The following SH3PXD2A variants were observed in gnomAD, a reference collection of about 807,000 sequenced individuals.
The protein encoded by SH3PXD2A is SH3 and PX domain-containing protein 2A.
In SH3PXD2A, 32 loss-of-function variants were observed where a neutral mutation model predicts 115.2. The observed-to-expected ratio is 0.28, with a 90% CI of 0.21 to 0.37. The LOEUF is 0.37. Among genes scored for constraint, SH3PXD2A ranks in the 10% least tolerant of loss-of-function variants. SH3PXD2A has a pLI of 1.00. For missense variants in SH3PXD2A, 1,328 were observed against 1,498.7 expected, an observed-to-expected ratio of 0.89 and a Z score of 1.88; for synonymous variants, 610 against 629.1, an observed-to-expected ratio of 0.97 and a Z score of 0.45.
intron 6 of SH3PXD2A, among the ~76,000 whole-genome samples, chr10:103,669,045 A>G (rs1378027198): frequency 1.3e-5 from 2 of 152,150 alleles, no homozygotes; most frequent in Admixed American, 6.5e-5. Flanking sequence ...GGTTGCAAGG[A>G]TCCTCAAAGG....
intron 13 of SH3PXD2A, among the ~76,000 whole-genome samples, chr10:103,610,336 C>T (rs978851854): frequency 2.0e-5 from 3 of 152,216 alleles, no homozygotes; most frequent in Non-Finnish European, 4.4e-5. Context: ...TCAGCAATCC[C>T]CACATTTGGT....
intron 7 of SH3PXD2A, chr10:103,661,769 C>A: frequency 1.0e-6 from 1 of 985,302 alleles, no homozygotes; most frequent in Non-Finnish European, 1.2e-6. Context: ...GGTTTACTCG[C>A]AACCCTTAAA....
intron 8 of SH3PXD2A, among the ~76,000 whole-genome samples, chr10:103,656,489 G>A (rs2037213964): frequency 6.6e-6 from 1 of 152,214 alleles, no homozygotes; most frequent in Non-Finnish European, 1.5e-5. Context: ...TCGGATGAGA[G>A]GAGAAGGCAG....
chr10:103,674,437 G>A (rs1301366455), intron 6 of SH3PXD2A, among the ~76,000 whole-genome samples: 1 of 152,208 alleles, frequency 6.6e-6, no homozygotes, highest in Non-Finnish European at 1.5e-5. Context: ...GCTCAGAGCA[G>A]CAGAAGCTGA....
intron 1 of SH3PXD2A, among the ~76,000 whole-genome samples, chr10:103,815,129 T>C (rs889271524): frequency 1.3e-5 from 2 of 151,966 alleles, no homozygotes; most frequent in African/African-American, 4.8e-5. Context: ...ATAGCACAAA[T>C]CTCCATGACC....
At chr10:103,765,377 A>G (rs1334968515) in intron 3 of SH3PXD2A, among the ~76,000 whole-genome samples, 2 of 152,202 alleles carry the variant, frequency 1.3e-5, no homozygotes, top group African/African-American at 4.8e-5. Context: ...AGTCACCCTC[A>G]AATTGCACAG....
chr10:103,766,135 A>C (rs2134223367), intron 3 of SH3PXD2A, among the ~76,000 whole-genome samples: 1 of 152,340 alleles, frequency 6.6e-6, no homozygotes, highest in Non-Finnish European at 1.5e-5. Context: ...GTGCCCCTAC[A>C]TCCGTTTTCA....
intron 3 of SH3PXD2A, among the ~76,000 whole-genome samples, chr10:103,757,462 A>G (rs1009907248): frequency 2.0e-5 from 3 of 152,158 alleles, no homozygotes; most frequent in Non-Finnish European, 2.9e-5. Context: ...CCTAGGATAC[A>G]ATCCATCCAG....
At chr10:103,821,042 T>G (rs917107397) in intron 1 of SH3PXD2A, among the ~76,000 whole-genome samples, 2 of 152,168 alleles carry the variant, frequency 1.3e-5, no homozygotes, top group Non-Finnish European at 2.9e-5. Context: ...TAAGAGGGTA[T>G]GCCTCTGATG....
chr10:103,718,793 A>ACACACACG (rs2038140764), intron 5 of SH3PXD2A, among the ~76,000 whole-genome samples: 2 of 150,692 alleles, frequency 1.3e-5, no homozygotes, highest in Non-Finnish European at 3.0e-5. Context: ...ACACACACAC[A>ACACACACG]CACACGCACA....
intron 8 of SH3PXD2A, among the ~76,000 whole-genome samples, chr10:103,640,891 C>T (rs2036945489): frequency 6.6e-6 from 1 of 151,976 alleles, no homozygotes; most frequent in African/African-American, 2.4e-5. Context: ...CCCTTGTGTC[C>T]CTCATGATCC....
At chr10:103,611,800 T>C (rs1484018585) in intron 12 of SH3PXD2A, among the ~76,000 whole-genome samples, 170 bp from the exon 13 acceptor site, 1 of 152,184 alleles carries the variant, frequency 6.6e-6, no homozygotes, top group Non-Finnish European at 1.5e-5. Context: ...GGTTGGGCTT[T>C]TTCAAGGGGA....
At chr10:103,821,134 C>T (rs2039374976) in intron 1 of SH3PXD2A, among the ~76,000 whole-genome samples, 1 of 142,436 alleles carries the variant, frequency 7.0e-6, no homozygotes, top group South Asian at 2.2e-4. Flanking sequence ...AATGTATGGT[C>T]GTTCATTCTT....
chr10:103,707,583 A>G (rs1263543206), intron 5 of SH3PXD2A, among the ~76,000 whole-genome samples: 1 of 151,966 alleles, frequency 6.6e-6, no homozygotes, highest in East Asian at 1.9e-4. Flanking sequence ...CCTGGCCTCA[A>G]GCAATTCTCC....
chr10:103,793,877 AC>A (rs1288193067), intron 2 of SH3PXD2A, among the ~76,000 whole-genome samples: 1 of 152,174 alleles, frequency 6.6e-6, no homozygotes, highest in Non-Finnish European at 1.5e-5. Context: ...CACTGGGATC[AC>A]CCCAGGTTGA....
intron 2 of SH3PXD2A, 44 bp from the exon 3 acceptor site, chr10:103,767,213 A>C: frequency 6.8e-7 from 1 of 1,462,706 alleles, no homozygotes; most frequent in Non-Finnish European, 9.6e-7. Context: ...AGAAGACCAG[A>C]ACATTCCTCA....
At chr10:103,675,830 G>A (rs1042005639) in intron 6 of SH3PXD2A, among the ~76,000 whole-genome samples, 4 of 152,130 alleles carry the variant, frequency 2.6e-5, no homozygotes, top group African/African-American at 9.7e-5. Context: ...ATCATCTGAG[G>A]TCAGGAGTTC....
intron 1 of SH3PXD2A, 114 bp from the exon 2 acceptor site, chr10:103,801,476 T>C (rs2039146007): frequency 3.0e-6 from 2 of 668,290 alleles, no homozygotes; most frequent in African/African-American, 1.8e-5. Context: ...CTTTTACTCA[T>C]CTCATCTGTC....
intron 6 of SH3PXD2A, among the ~76,000 whole-genome samples, chr10:103,676,030 A>C (rs113290510): frequency 6.0e-5 from 9 of 150,982 alleles, no homozygotes; most frequent in African/African-American, 2.0e-4. Context: ...CAAGAGCGAA[A>C]CTCCGTCTCG....
Sources: gnomAD v4.1 joint callset for allele counts (sites outside exome capture counted in the v4.1 genomes callset) on GRCh38, gnomAD v4.1.1 for gene constraint, MANE v1.5 for transcripts, NCBI Gene and HGNC (gene_info 2026-07-23, HGNC 2026-07-21) for gene names.